ZMYM4: variants seen among roughly 807,000 people sequenced by gnomAD.
ZMYM4 encodes zinc finger MYM-type containing 4, also known as zinc finger MYM-type protein 4.
A neutral mutation model predicts 183.2 loss-of-function variants in ZMYM4; 31 were observed. The observed-to-expected ratio is 0.17, with a 90% CI of 0.13 to 0.23. The LOEUF (loss-of-function observed/expected upper bound fraction) is 0.23, where lower values mean the gene tolerates loss of function less well. Among genes scored for constraint, ZMYM4 ranks in the 10% least tolerant of loss-of-function variants. ZMYM4 has a pLI of 1.00. For synonymous variants in ZMYM4, 592 were observed against 631.2 expected, an observed-to-expected ratio of 0.94 and a Z score of 0.93; for missense variants, 1,273 against 1,840.3, an observed-to-expected ratio of 0.69 and a Z score of 5.64.
At chr1:35,405,492 G>C (rs199516886) in intron 25 of ZMYM4, 24 bp downstream of exon 25, 85 of 1,518,322 alleles carry the variant, frequency 5.6e-5, no homozygotes, top group Non-Finnish European at 7.3e-5. Flanking sequence ...CTCTCCATTT[G>C]GTATGAATTA....
Position 35,305,003 on chromosome 1 carries a change from G to A in ZMYM4, c.40-20357G>A, listed in dbSNP as rs529846923. 3.9e-5 allele frequency among the ~76,000 whole-genome samples: 6 copies of A among 151,926 alleles called. No homozygotes were observed. In the South Asian group the frequency reaches 1.0e-3, roughly 26 times the overall value. On this transcript the variant is annotated intron_variant, in intron 1 of 29. Transcript: ENST00000314607. ...TGGTATTACAGGCATGCGCTACTAC[G>A]ACCAGCTAATTTTTGTATTTTTAGT...
chr1:35,395,444 T>A (rs538568373), intron 18 of ZMYM4, among the ~76,000 whole-genome samples: 18 of 151,920 alleles, frequency 1.2e-4, no homozygotes, highest in African/African-American at 2.4e-4. Flanking sequence ...AAAAAAAAAA[T>A]TTATGCCATA....
chr1:35,376,427 C>G (rs1017167494), intron 7 of ZMYM4, among the ~76,000 whole-genome samples: 13 of 152,196 alleles, frequency 8.5e-5, no homozygotes, highest in Non-Finnish European at 1.6e-4. Context: ...TAAAATATCA[C>G]CCTTTGGGTT....
chr1:35,396,773 C>G (rs1644816317), intron 19 of ZMYM4, 103 bp downstream of exon 19: 1 of 1,319,770 alleles, frequency 7.6e-7, no homozygotes, highest in Admixed American at 2.6e-5. Context: ...TAAAATATAC[C>G]TGCTTCTGAT....
intron 1 of ZMYM4, among the ~76,000 whole-genome samples, chr1:35,287,283 C>T (rs113321513): frequency 0.012 from 1,852 of 149,786 alleles, 42 homozygotes; most frequent in African/African-American, 0.043. Context: ...CCCAGGCTGG[C>T]CTTGAACTCC....
At chr1:35,410,541 T>C (rs562202693) in intron 26 of ZMYM4, among the ~76,000 whole-genome samples, 2 of 152,084 alleles carry the variant, frequency 1.3e-5, no homozygotes, top group East Asian at 3.9e-4. Flanking sequence ...CAGGCTGGAG[T>C]GCAGTGACAC....
intron 1 of ZMYM4, among the ~76,000 whole-genome samples, chr1:35,299,059 A>T: frequency 6.8e-6 from 1 of 146,776 alleles, no homozygotes; most frequent in African/African-American, 2.5e-5. Flanking sequence ...TAAGAAACAG[A>T]GTCTTGCCAT....
intron 7 of ZMYM4, among the ~76,000 whole-genome samples, chr1:35,379,169 C>T (rs929435098): frequency 1.3e-5 from 2 of 152,182 alleles, no homozygotes; most frequent in Admixed American, 6.5e-5. Context: ...GGCGCAATCT[C>T]AGGTCACTGC....
chr1:35,396,462 T>C, intron 18 of ZMYM4, 90 bp from the exon 19 acceptor site: 20 of 1,546,954 alleles, frequency 1.3e-5, no homozygotes, highest in Non-Finnish European at 1.5e-5. Context: ...TTTTGAACTA[T>C]AAACCTCCAT....
chr1:35,318,010 G>A (rs936486182), intron 1 of ZMYM4, among the ~76,000 whole-genome samples: 1 of 150,506 alleles, frequency 6.6e-6, no homozygotes, highest in African/African-American at 2.4e-5. Context: ...AGAGCAAAGG[G>A]TATAATTTTG....
chr1:35,309,140 A>G (rs1010219839), intron 1 of ZMYM4: 15 of 713,978 alleles, frequency 2.1e-5, no homozygotes, highest in Non-Finnish European at 2.6e-5. Context: ...GAGAAATGAA[A>G]CAAGATGACT....
chr1:35,341,178 A>G (rs937105457), intron 2 of ZMYM4, among the ~76,000 whole-genome samples: 1 of 152,058 alleles, frequency 6.6e-6, no homozygotes, highest in Admixed American at 6.6e-5. Context: ...TGGTATAGAC[A>G]TTTATCTGCT....
At chr1:35,410,930 CTCTTT>C (rs574884785) in intron 26 of ZMYM4, among the ~76,000 whole-genome samples, 145 of 151,786 alleles carry the variant, frequency 9.6e-4, no homozygotes, top group Non-Finnish European at 1.9e-3. Flanking sequence ...AGATTTAATC[CTCTTT>C]TCTTCAGAGA....
At chr1:35,412,646 G>A (rs1053475885) in intron 26 of ZMYM4, among the ~76,000 whole-genome samples, 1 of 151,936 alleles carries the variant, frequency 6.6e-6, no homozygotes, top group African/African-American at 2.4e-5. Flanking sequence ...GTTTGAATGA[G>A]TTTGAATAGT....
chr1:35,319,289 A>C (rs950282350), intron 1 of ZMYM4, among the ~76,000 whole-genome samples: 4 of 152,220 alleles, frequency 2.6e-5, no homozygotes, highest in South Asian at 2.1e-4. Context: ...TTCAGCTTGC[A>C]TAGTCGTTTT....
chr1:35,343,467 G>A (rs182498968), intron 2 of ZMYM4, among the ~76,000 whole-genome samples: 1 of 151,884 alleles, frequency 6.6e-6, no homozygotes, highest in Admixed American at 6.6e-5. Flanking sequence ...GAAGTCATTT[G>A]ACCAATGTTT....
At chr1:35,335,095 G>A (rs930667332) in intron 2 of ZMYM4, among the ~76,000 whole-genome samples, 1 of 152,052 alleles carries the variant, frequency 6.6e-6, no homozygotes, top group Non-Finnish European at 1.5e-5. Context: ...CTCCAAAAAG[G>A]TAGCCATCAT....
At chr1:35,362,248 T>C (rs916362830) in intron 5 of ZMYM4, among the ~76,000 whole-genome samples, 5 of 152,198 alleles carry the variant, frequency 3.3e-5, no homozygotes, top group East Asian at 1.9e-4. Context: ...AACCAGTTCA[T>C]TGGATTAGTG....
At chr1:35,396,366 C>T (rs1644808540) in intron 18 of ZMYM4, among the ~76,000 whole-genome samples, 186 bp from the exon 19 acceptor site, 1 of 152,146 alleles carries the variant, frequency 6.6e-6, no homozygotes, top group Non-Finnish European at 1.5e-5. Context: ...CACTTTTTGT[C>T]AGTGCTATAC....
Sources: allele counts gnomAD v4.1 joint callset (sites outside exome capture counted in the v4.1 genomes callset), GRCh38; gene constraint gnomAD v4.1.1; transcripts MANE v1.5; gene names NCBI Gene and HGNC (gene_info 2026-07-23, HGNC 2026-07-21).